Variants in RBFOX1 observed in about 807,000 individuals in gnomAD.
RBFOX1 encodes RNA binding protein fox-1 homolog 1.
Under a neutral mutation model 57.7 loss-of-function variants are expected in RBFOX1, and 8 were observed. That is an observed-to-expected ratio of 0.14 (90% confidence interval 0.08 to 0.25). The LOEUF (loss-of-function observed/expected upper bound fraction) is 0.25. Ranked by LOEUF, RBFOX1 falls within the 10% of genes least tolerant of loss-of-function variation. The pLI is 1.00. For missense variants in RBFOX1, 611 were observed against 548.5 expected, an observed-to-expected ratio of 1.11 and a Z score of -1.14; for synonymous variants, 326 against 222.4, an observed-to-expected ratio of 1.47 and a Z score of -4.15.
At position 7,323,077 on chromosome 16, in the gene RBFOX1, G is replaced by C. The variant is rs553091933; in HGVS notation, c.28-195070G>C. On this transcript the variant is annotated intron_variant, in intron 4 of 15. Transcript: ENST00000550418. ...AAGGACTGTTGGGATGGTTGAGATT[G>C]ACTAAGGGGTGGAGAGTAAAGGAGA... Among the ~76,000 whole-genome samples the C allele has an allele frequency of 1.1e-4, 16 of 152,256 alleles. No individual in the cohort carries two copies. In the South Asian group the frequency reaches 3.3e-3, roughly 32 times the overall value.
At chr16:7,651,076 G>C (rs1355018276) in intron 11 of RBFOX1, among the ~76,000 whole-genome samples, 1 of 151,946 alleles carries the variant, frequency 6.6e-6, no homozygotes, top group Non-Finnish European at 1.5e-5. Context: ...AATAAAAAAA[G>C]TTAAAAATAA....
intron 4 of RBFOX1, among the ~76,000 whole-genome samples, chr16:7,396,841 T>C (rs2098146942): frequency 6.6e-6 from 1 of 152,176 alleles, no homozygotes; most frequent in Non-Finnish European, 1.5e-5. Context: ...CTCTGGAGGC[T>C]GAGGCATGGG....
chr16:5,586,593 G>C (rs2046836055), intron 2 of RBFOX1, among the ~76,000 whole-genome samples: 1 of 152,174 alleles, frequency 6.6e-6, no homozygotes, highest in Non-Finnish European at 1.5e-5. Context: ...AACCTCCTGG[G>C]CTCAAGCAAT....
rs115347464 is a variant in RBFOX1 at position 5,349,730 on chromosome 16, C to T, written c.219+109625C>T. Among the ~76,000 whole-genome samples, 1,167 of 152,300 alleles carry T rather than the reference C, an allele frequency of 7.7e-3. 6 individuals carry two copies. Among genetic ancestry groups the T allele is most frequent in the African/African-American group, 0.023 (972 of 41,536 alleles). ...TTCATTTTACCTGTTCTTAAAACCT[C>T]GTTGCCCCTGAATGATTTGGAAGCT... On this transcript the variant is annotated intron_variant, in intron 1 of 2. Coordinates refer to the RBFOX1 transcript ENST00000585867.
chr16:6,210,355 AAAC>A (rs1567684327), intron 1 of RBFOX1, among the ~76,000 whole-genome samples: 9 of 88,312 alleles, frequency 1.0e-4, no homozygotes, highest in Non-Finnish European at 1.8e-4. Context: ...CAAAAAAAAA[AAAC>A]ACCAAAAAAA....
chr16:7,546,241 C>T (rs1044426178), intron 5 of RBFOX1, among the ~76,000 whole-genome samples: 1 of 151,830 alleles, frequency 6.6e-6, no homozygotes, highest in Non-Finnish European at 1.5e-5. Flanking sequence ...GTGGGAGAAT[C>T]GTTTGAACCC....
chr16:7,316,971 CACACACACACACACAA>C (rs1479917778), intron 4 of RBFOX1, among the ~76,000 whole-genome samples: 2 of 150,994 alleles, frequency 1.3e-5, no homozygotes, highest in Non-Finnish European at 2.9e-5. Context: ...AGAACACACA[CACACACACACACACAA>C]ACACACACAC....
At chr16:7,070,261 C>T (rs1198373207) in intron 4 of RBFOX1, among the ~76,000 whole-genome samples, 1 of 152,148 alleles carries the variant, frequency 6.6e-6, no homozygotes, top group Non-Finnish European at 1.5e-5. Flanking sequence ...TGCCACATTC[C>T]ACTCATTTAT....
At chr16:7,152,222 C>A (rs371219734) in intron 4 of RBFOX1, among the ~76,000 whole-genome samples, 2 of 152,130 alleles carry the variant, frequency 1.3e-5, no homozygotes. Context: ...CTATACCATG[C>A]GTCCATAGCG....
At chr16:5,273,982 T>C (rs868782665) in intron 1 of RBFOX1, among the ~76,000 whole-genome samples, 2 of 152,158 alleles carry the variant, frequency 1.3e-5, no homozygotes, top group Admixed American at 6.5e-5. Context: ...GAATGTGACA[T>C]TTCCTACATC....
chr16:6,935,931 A>C (rs578252634), intron 3 of RBFOX1, among the ~76,000 whole-genome samples: 1 of 152,184 alleles, frequency 6.6e-6, no homozygotes, highest in Non-Finnish European at 1.5e-5. Flanking sequence ...CTGGGGACCA[A>C]TCTGTGCCGA....
chr16:6,375,406 T>A (rs967682863), intron 2 of RBFOX1, among the ~76,000 whole-genome samples: 1 of 130,288 alleles, frequency 7.7e-6, no homozygotes. Flanking sequence ...TGGGTGCAGC[T>A]CTAGAGTATT....
At chr16:6,763,199 C>G (rs1218567632) in intron 3 of RBFOX1, among the ~76,000 whole-genome samples, 2 of 152,148 alleles carry the variant, frequency 1.3e-5, no homozygotes, top group Admixed American at 6.5e-5. Flanking sequence ...CAATGTTTAT[C>G]AAGTGGAAGA....
At chr16:7,639,847 G>A (rs1228738226) in intron 11 of RBFOX1, among the ~76,000 whole-genome samples, 1 of 152,100 alleles carries the variant, frequency 6.6e-6, no homozygotes, top group Non-Finnish European at 1.5e-5. Context: ...TAGGTGCCAT[G>A]CTCTCCCTGC....
At chr16:5,471,654 C>T (rs1165130059) in intron 2 of RBFOX1, among the ~76,000 whole-genome samples, 2 of 152,164 alleles carry the variant, frequency 1.3e-5, no homozygotes, top group Non-Finnish European at 2.9e-5. Flanking sequence ...CAGAACATCC[C>T]CCAGGTCCTC....
At chr16:5,938,484 G>T (rs144808462) in intron 4 of RBFOX1, among the ~76,000 whole-genome samples, 1 of 152,128 alleles carries the variant, frequency 6.6e-6, no homozygotes, top group Non-Finnish European at 1.5e-5. Flanking sequence ...CTCAGTCTCC[G>T]TGGCAAGTTG....
At chr16:7,224,769 C>T (rs893652819) in intron 4 of RBFOX1, among the ~76,000 whole-genome samples, 3 of 152,164 alleles carry the variant, frequency 2.0e-5, no homozygotes, top group Non-Finnish European at 4.4e-5. Context: ...GTCCAAAGTC[C>T]TCGTTATTCA....
intron 4 of RBFOX1, among the ~76,000 whole-genome samples, chr16:5,983,170 G>A (rs764469437): frequency 6.6e-6 from 1 of 152,270 alleles, no homozygotes; most frequent in Non-Finnish European, 1.5e-5. Context: ...CATTACCCCA[G>A]ATGCCTCCTG....
chr16:6,246,348 A>T (rs2097568980), intron 1 of RBFOX1, among the ~76,000 whole-genome samples: 1 of 152,282 alleles, frequency 6.6e-6, no homozygotes, highest in Middle Eastern at 3.4e-3. Flanking sequence ...GTAGCCAAGG[A>T]AGAGTGAGCA....
Sources: gnomAD v4.1 joint callset for allele counts (sites outside exome capture counted in the v4.1 genomes callset) on GRCh38, gnomAD v4.1.1 for gene constraint, MANE v1.5 for transcripts, NCBI Gene and HGNC (gene_info 2026-07-23, HGNC 2026-07-21) for gene names.